The following ISG15 variants were observed in gnomAD, a reference collection of about 807,000 sequenced individuals.
ISG15 encodes ubiquitin-like protein ISG15.
Under a neutral mutation model 2.4 loss-of-function variants are expected in ISG15, and 2 were observed. That is an observed-to-expected ratio of 0.82 (90% CI 0.33 to 2.57). ISG15 has a LOEUF of 2.57. ISG15 is among the 30% of genes most tolerant of loss of function. ISG15 has a pLI of 0.11. For synonymous variants in ISG15, 116 were observed against 108.1 expected (o/e 1.07, Z -0.45); for missense variants, 224 against 228.4 (o/e 0.98, Z 0.13).
rs374404353 is a variant in ISG15 at position 1,014,276 on chromosome 1, G to A, written c.296G>A (p.Arg99Gln). Residue 99 changes from arginine (R) to glutamine (Q), a missense_variant, in exon 2 of 2, where the codon CGG becomes CAG. Transcript: ENST00000649529. Reference protein sequence around the residue: ...NKGRSSTYEVRLTQTVAHLKQ... With the variant: ...NKGRSSTYEVQLTQTVAHLKQ... ...GGCCGCAGCAGCACCTACGAGGTAC[G>A]GCTGACGCAGACCGTGGCCCACCTG... 159 of 1,613,436 alleles carry A rather than the reference G, an allele frequency of 9.9e-5. 4 individuals carry two copies. Among genetic ancestry groups the A allele is most frequent in the East Asian group, 5.6e-4 (25 of 44,892 alleles).
rs751727070 is a variant in ISG15, at chr1:1,014,226, G to A, written c.246G>A (p.Leu82=). ...TGGTGGACAAATGCGACGAACCTCT[G>A]AGCATCCTGGTGAGGAATAACAAGG... ...LLVVDKCDEP[L]SILVRNNKGR... Residue 82 remains leucine, a synonymous_variant, in exon 2 of 2, where the codon CTG becomes CTA. Coordinates refer to ENST00000649529, the MANE Select transcript of ISG15 (RefSeq NM_005101.4). 5.0e-6 allele frequency: 8 copies of A among 1,613,490 alleles called. No homozygotes were observed. In the African/African-American group the frequency reaches 1.1e-4, roughly 22 times the overall value.
rs1644249449 is a variant in ISG15, at chr1:1,014,175, G to C, written c.195G>C (p.Leu65=). 3 of 1,612,960 alleles carry C rather than the reference G, an allele frequency of 1.9e-6. No homozygotes were observed. The highest frequency in any genetic ancestry group is 2.5e-6 in the Non-Finnish European group (3 of 1,179,528). Residue 65 remains leucine, a synonymous_variant, in exon 2 of 2, where the codon CTG becomes CTC. Transcript: ENST00000649529. The part of the protein sequence containing the change: ...QDRVPLASQG[L]GPGSTVLLVV... ...GGGTCCCCCTTGCCAGCCAGGGCCTGGGCCCCGGCAGCACGGTCCTGCTGG... is the reference window on the plus strand; with the variant it reads ...GGGTCCCCCTTGCCAGCCAGGGCCTCGGCCCCGGCAGCACGGTCCTGCTGG...
In ISG15 at chr1:1,013,982, A is replaced by G; in HGVS notation, c.4-2A>G. The G allele has an allele frequency of 6.3e-7, 1 of 1,591,768 alleles. No homozygotes were observed. Among genetic ancestry groups the G allele is most frequent in the Non-Finnish European group, 8.6e-7 (1 of 1,165,038 alleles). On this transcript the variant is annotated splice_acceptor_variant, in intron 1 of 1. Transcript: ENST00000649529. LOFTEE classifies it high-confidence loss of function. Reference sequence around the variant, plus strand: ...GTCTCTGAACCTGTGTGACGCCTGCAGGGCTGGGACCTGACGGTGAAGATG... The same window carrying G: ...GTCTCTGAACCTGTGTGACGCCTGCGGGGCTGGGACCTGACGGTGAAGATG...
In ISG15 at chr1:1,013,840, C is replaced by T. The variant is rs1290941121; in HGVS notation, c.4-144C>T. ...AACGAGCCCTCAGTGCCTTCTGTGC[C>T]TGGGGTCCCTGCCGGCGGGATGTAG... is the stretch of plus-strand genomic sequence containing the variant. On this transcript the variant is annotated intron_variant, in intron 1 of 1. Transcript: ENST00000649529. 1.0e-5 allele frequency: 12 copies of T among 1,199,138 alleles called. No individual in the cohort carries two copies. The Admixed American group carries it at 2.6e-4, about 26-fold the overall frequency. 74.3% of individuals were successfully genotyped at this position (1,199,138 alleles called of 1,614,324 possible).
chr1:1,014,282 C>T lies in ISG15; in HGVS notation c.302C>T (p.Thr101Met), dbSNP rs776045519. ...AGCAGCACCTACGAGGTACGGCTGA[C>T]GCAGACCGTGGCCCACCTGAAGCAG... ...GRSSTYEVRL[T>M]QTVAHLKQQV... The change falls in exon 2 of 2, where the codon ACG (threonine) becomes ATG (methionine). Residue 101 changes from threonine to methionine, a missense_variant. By Grantham distance (81) the Thr-to-Met change is moderately conservative. Coordinates refer to ENST00000649529, the MANE Select transcript of ISG15 (RefSeq NM_005101.4). The T allele has an allele frequency of 4.3e-6, 7 of 1,613,460 alleles. No homozygotes were observed. Among genetic ancestry groups the T allele is most frequent in the South Asian group, 3.3e-5 (3 of 91,090 alleles).
intron 1 of ISG15, among the ~76,000 whole-genome samples, 166 bp from the exon 2 acceptor site, chr1:1,013,818 G>A (rs532251534): frequency 1.3e-5 from 2 of 152,322 alleles, no homozygotes; most frequent in East Asian, 1.9e-4. Context: ...TTCTAGTAAC[G>A]AGCCCTCAGT....
Sources: allele counts gnomAD v4.1 joint callset (sites outside exome capture counted in the v4.1 genomes callset), GRCh38; gene constraint gnomAD v4.1.1; transcripts MANE v1.5; gene names NCBI Gene and HGNC (gene_info 2026-07-23, HGNC 2026-07-21).